Variants in EVL observed in about 807,000 individuals in gnomAD.
The protein encoded by EVL is Enah/Vasp-like, also known as ena/VASP-like protein.
In EVL, 21 loss-of-function variants were observed where a neutral mutation model predicts 59.6. The observed-to-expected ratio is 0.35, with a 90% CI of 0.25 to 0.51. The LOEUF is 0.51. EVL is among the 20% of genes least tolerant of loss of function. EVL has a pLI of 0.97. For synonymous variants in EVL, 198 were observed against 203.5 expected (o/e 0.97, Z 0.23); for missense variants, 462 against 546.6 (o/e 0.85, Z 1.54).
chr14:100,143,398 T>C (rs1889317211), intron 13 of EVL, among the ~76,000 whole-genome samples: 1 of 151,926 alleles, frequency 6.6e-6, no homozygotes, highest in South Asian at 2.1e-4. Flanking sequence ...CACACCAGAG[T>C]TCTGGTGCCC....
At chr14:100,040,350 A>T (rs79664477) in intron 1 of EVL, among the ~76,000 whole-genome samples, 1 of 151,934 alleles carries the variant, frequency 6.6e-6, no homozygotes, top group Non-Finnish European at 1.5e-5. Flanking sequence ...TCCTCTCCTC[A>T]GCTCAGATTA....
At chr14:100,060,641 G>A (rs1039016623), upstream of EVL, among the ~76,000 whole-genome samples, 1 of 152,080 alleles carries the variant, frequency 6.6e-6, no homozygotes, top group Admixed American at 6.5e-5. Flanking sequence ...GTCTACATAC[G>A]TGTAATTGGA....
chr14:100,122,379 A>T (rs1381247432), intron 3 of EVL, among the ~76,000 whole-genome samples: 2 of 152,194 alleles, frequency 1.3e-5, no homozygotes, highest in South Asian at 4.1e-4. Flanking sequence ...ACAAGTCCTT[A>T]TGGGAGCCTT....
chr14:99,979,135 A>G (rs1368091714), intron 1 of EVL, among the ~76,000 whole-genome samples: 1 of 152,066 alleles, frequency 6.6e-6, no homozygotes, highest in Non-Finnish European at 1.5e-5. Context: ...GGTGTAAGGA[A>G]CTAGACACTC....
intron 1 of EVL, among the ~76,000 whole-genome samples, chr14:100,007,250 G>A (rs994538434): frequency 4.6e-5 from 7 of 151,980 alleles, no homozygotes; most frequent in Non-Finnish European, 8.8e-5. Context: ...GACAACTCAA[G>A]CAGGGAGAGG....
intron 1 of EVL, among the ~76,000 whole-genome samples, chr14:100,024,044 T>C (rs963724220): frequency 6.6e-6 from 1 of 152,242 alleles, no homozygotes; most frequent in South Asian, 2.1e-4. Context: ...ATTTGACTTA[T>C]TCCGATTTAT....
chr14:100,125,095 GAC>G (rs941339512), intron 4 of EVL, among the ~76,000 whole-genome samples: 2 of 102,590 alleles, frequency 1.9e-5, no homozygotes, highest in Non-Finnish European at 4.0e-5. Context: ...CACAGACACA[GAC>G]ACACACACCT....
intron 7 of EVL, among the ~76,000 whole-genome samples, chr14:100,131,854 C>G (rs1485968939): frequency 6.6e-6 from 1 of 152,112 alleles, no homozygotes; most frequent in South Asian, 2.1e-4. Flanking sequence ...GGCTGAGGGA[C>G]GAGGTGGGCA....
At chr14:100,032,935 C>CT (rs879541920) in intron 1 of EVL, among the ~76,000 whole-genome samples, 133 of 146,868 alleles carry the variant, frequency 9.1e-4, no homozygotes, top group African/African-American at 1.9e-3. Context: ...TTTTTATTAC[C>CT]TTTTTTTTTT....
intron 3 of EVL, among the ~76,000 whole-genome samples, chr14:100,122,472 C>A (rs1887763438): frequency 6.6e-6 from 1 of 152,218 alleles, no homozygotes; most frequent in South Asian, 2.1e-4. Flanking sequence ...ATAATGTTCA[C>A]ATATTCATTC....
At chr14:99,979,864 C>T (rs759923968) in intron 1 of EVL, among the ~76,000 whole-genome samples, 8 of 152,116 alleles carry the variant, frequency 5.3e-5, no homozygotes, top group Non-Finnish European at 5.9e-5. Context: ...AGCGAGACTC[C>T]GTCTCAAAAA....
At chr14:100,036,616 T>TA (rs1176355021) in intron 1 of EVL, among the ~76,000 whole-genome samples, 3 of 152,118 alleles carry the variant, frequency 2.0e-5, no homozygotes, top group Non-Finnish European at 2.9e-5. Flanking sequence ...ACTTGCAGCT[T>TA]AAAAAATCCT....
intron 8 of EVL, among the ~76,000 whole-genome samples, chr14:100,133,071 C>G (rs937561030): frequency 1.3e-5 from 2 of 152,258 alleles, no homozygotes; most frequent in Non-Finnish European, 2.9e-5. Context: ...CCCAGGAGCC[C>G]CGGGGAGCAC....
chr14:100,125,045 T>C (rs113976858), intron 4 of EVL, among the ~76,000 whole-genome samples: 1 of 126,372 alleles, frequency 7.9e-6, no homozygotes, highest in South Asian at 2.5e-4. Flanking sequence ...CACATGTGGA[T>C]AGACACACAC....
At chr14:99,986,103 C>G (rs1379638495) in intron 1 of EVL, among the ~76,000 whole-genome samples, 2 of 151,966 alleles carry the variant, frequency 1.3e-5, no homozygotes, top group Admixed American at 1.3e-4. Flanking sequence ...ACCAGCCTGA[C>G]CAACATGGCT....
chr14:100,099,538 A>G (rs1015613934), intron 3 of EVL, among the ~76,000 whole-genome samples: 4 of 152,176 alleles, frequency 2.6e-5, no homozygotes, highest in Admixed American at 1.3e-4. Context: ...TTTTCTGCTT[A>G]GTACTTGGAG....
At chr14:100,030,392 G>A (rs1330486821) in intron 1 of EVL, among the ~76,000 whole-genome samples, 1 of 151,944 alleles carries the variant, frequency 6.6e-6, no homozygotes, top group Non-Finnish European at 1.5e-5. Flanking sequence ...GTGAGCCACC[G>A]CGCCCGGCCG....
chr14:100,080,851 A>G (rs527616176), intron 1 of EVL, among the ~76,000 whole-genome samples: 1 of 152,370 alleles, frequency 6.6e-6, no homozygotes, highest in East Asian at 1.9e-4. Flanking sequence ...TTGATCATAT[A>G]AAAGAAGCCT....
intron 3 of EVL, among the ~76,000 whole-genome samples, chr14:100,111,018 G>A (rs566642408): frequency 6.6e-6 from 1 of 152,274 alleles, no homozygotes; most frequent in African/African-American, 2.4e-5. Flanking sequence ...GTTGACAGAA[G>A]TGGCACAGAT....
Sources: gnomAD v4.1 joint callset for allele counts (sites outside exome capture counted in the v4.1 genomes callset) on GRCh38, gnomAD v4.1.1 for gene constraint, MANE v1.5 for transcripts, NCBI Gene and HGNC (gene_info 2026-07-23, HGNC 2026-07-21) for gene names.